The following GPR107 variants were observed in gnomAD, a reference collection of about 807,000 sequenced individuals.
The protein encoded by GPR107 is G protein-coupled receptor 107.
Under a neutral mutation model 75.5 loss-of-function variants are expected in GPR107, and 31 were observed. The observed-to-expected ratio is 0.41, with a 90% confidence interval of 0.31 to 0.55. The LOEUF is 0.55. Ranked by LOEUF, GPR107 falls within the 20% of genes least tolerant of loss-of-function variation. The pLI, the probability that GPR107 is intolerant of heterozygous loss-of-function variation, is 0.26. For synonymous variants in GPR107, 267 were observed against 251.3 expected, an observed-to-expected ratio of 1.06 and a Z score of -0.59; for missense variants, 572 against 665.7, an observed-to-expected ratio of 0.86 and a Z score of 1.55.
At position 130,113,547 on chromosome 9, in the gene GPR107, T is replaced by C. The variant is rs115179089; in HGVS notation, c.1306+6008T>C. 8.1e-3 allele frequency among the ~76,000 whole-genome samples: 1,237 copies of C among 152,318 alleles called. 26 individuals are homozygous for C. Among genetic ancestry groups the C allele is most frequent in the African/African-American group, 0.028 (1,182 of 41,558 alleles). On this transcript the variant is annotated intron_variant, in intron 14 of 17. Transcript: ENST00000347136. The stretch of plus-strand genomic sequence containing the variant: ...CACCCGGCCAGTTTCCCAGTTCTTA[T>C]AAGACTTATGATGTAAGCAGAGGTG...
In GPR107 at chr9:130,107,555, C is replaced by T; in HGVS notation, c.1306+16C>T. The T allele has an allele frequency of 6.4e-7, 1 of 1,553,900 alleles. No individual in the cohort carries two copies. The highest frequency in any genetic ancestry group is 8.9e-7 in the Non-Finnish European group (1 of 1,125,038). ...GATGGAAAAGGCAAGTTCTCTCGTGCTCATTTTGTGTTGCTCAGCTTGCTC... is the reference window on the plus strand; with the variant it reads ...GATGGAAAAGGCAAGTTCTCTCGTGTTCATTTTGTGTTGCTCAGCTTGCTC... On this transcript the variant is annotated intron_variant, in intron 14 of 17. Transcript: ENST00000347136.
At chr9:130,102,049 T>C (rs1396622279) in intron 12 of GPR107, among the ~76,000 whole-genome samples, 1 of 152,072 alleles carries the variant, frequency 6.6e-6, no homozygotes, top group Admixed American at 6.5e-5. Flanking sequence ...TGACATCAAA[T>C]GAATGGGACA....
rs532304367 is a variant in GPR107 at position 130,098,006 on chromosome 9, CA to C, written c.864-1449del. Among the ~76,000 whole-genome samples the C allele has an allele frequency of 2.6e-5, 4 of 152,288 alleles. No individual in the cohort carries two copies. The South Asian group carries it at 8.3e-4, about 32-fold the overall frequency. ...AAGTGATCCTCCCACATCAGCCTCCCAAGTAGCTGGGACTACAGGTGTGCAC... is the reference window on the plus strand; with the variant it reads ...AAGTGATCCTCCCACATCAGCCTCCCAGTAGCTGGGACTACAGGTGTGCAC... On this transcript the variant is annotated intron_variant, in intron 9 of 17. Coordinates refer to ENST00000347136, the MANE Select transcript of GPR107 (RefSeq NM_020960.5).
At chr9:130,108,992 CTTTTTTTTTT>C (rs11316244) in intron 14 of GPR107, among the ~76,000 whole-genome samples, 2 of 66,066 alleles carry the variant, frequency 3.0e-5, no homozygotes, top group Non-Finnish European at 5.3e-5. Flanking sequence ...TGGGGATATT[CTTTTTTTTTT>C]TTTTTTTTTT....
At chr9:130,066,803 A>G (rs1057286943) in intron 1 of GPR107, among the ~76,000 whole-genome samples, 8 of 152,046 alleles carry the variant, frequency 5.3e-5, no homozygotes, top group African/African-American at 1.9e-4. Flanking sequence ...GGCTAACACG[A>G]TGAAACCCCG....
intron 17 of GPR107, among the ~76,000 whole-genome samples, chr9:130,134,532 C>T (rs1831904147): frequency 6.6e-6 from 1 of 152,202 alleles, no homozygotes; most frequent in South Asian, 2.1e-4. Flanking sequence ...GCCAAAGAAT[C>T]TTTGATCCTG....
chr9:130,135,342 G>T lies in GPR107; in HGVS notation c.*221G>T. 4.5e-5 allele frequency: 18 copies of T among 400,862 alleles called. No homozygotes were observed. Among genetic ancestry groups the T allele is most frequent in the Non-Finnish European group, 6.3e-5 (14 of 223,798 alleles). The allele number at this position is 400,862 out of a possible 1,614,324, so 24.8% of individuals were successfully genotyped here. A position where few individuals can be genotyped will look rare whatever the true frequency, so the allele number is the denominator to read the frequency against. ...GGCAGCTGGATCCTCTTTCAGGCGG[G>T]AATGGGAGGGCGGGCACAGGGAGGA... On this transcript the variant is annotated 3_prime_UTR_variant, in exon 18 of 18. Coordinates refer to ENST00000347136, the MANE Select transcript of GPR107 (RefSeq NM_020960.5).
chr9:130,116,961 T>C (rs1247180110), intron 14 of GPR107, among the ~76,000 whole-genome samples: 1 of 152,088 alleles, frequency 6.6e-6, no homozygotes, highest in Non-Finnish European at 1.5e-5. Context: ...TTTTTTTTTT[T>C]TTGAGACAGA....
intron 1 of GPR107, among the ~76,000 whole-genome samples, chr9:130,072,025 T>C (rs1272169072): frequency 6.6e-6 from 1 of 151,562 alleles, no homozygotes; most frequent in Non-Finnish European, 1.5e-5. Flanking sequence ...CAGACTGGAG[T>C]GCAGTGGTAC....
chr9:130,131,826 G>T (rs2132659752), intron 17 of GPR107, among the ~76,000 whole-genome samples: 1 of 152,208 alleles, frequency 6.6e-6, no homozygotes, highest in Non-Finnish European at 1.5e-5. Flanking sequence ...TTGCTCTCGT[G>T]CCTGGGCTTT....
At chr9:130,127,632 T>C in intron 16 of GPR107, 66 bp downstream of exon 16, 1 of 831,308 alleles carries the variant, frequency 1.2e-6, no homozygotes. Flanking sequence ...GAAGTGTAAC[T>C]TAACAGTTGT....
chr9:130,096,634 A>T (rs1830879462), intron 9 of GPR107, among the ~76,000 whole-genome samples: 1 of 151,918 alleles, frequency 6.6e-6, no homozygotes, highest in South Asian at 2.1e-4. Context: ...TGCCCGGCTA[A>T]TTTTTGTATT....
At position 130,055,188 on chromosome 9, in the gene GPR107, C is replaced by T. The variant is rs533032247; in HGVS notation, c.141+1115C>T. ...GTCTTCTAAGAAGTGGAACTGTAGG[C>T]GGGGCGCGGTGGCTCACGCCTGTAA... is the stretch of plus-strand genomic sequence containing the variant. On this transcript the variant is annotated intron_variant, in intron 1 of 17. Coordinates refer to ENST00000347136, the MANE Select transcript of GPR107 (RefSeq NM_020960.5). Among the ~76,000 whole-genome samples the T allele has an allele frequency of 7.2e-5, 11 of 152,160 alleles. No homozygotes were observed. The East Asian group carries it at 1.9e-3, about 27-fold the overall frequency.
intron 1 of GPR107, among the ~76,000 whole-genome samples, chr9:130,068,523 CTCAGT>C (rs1222603965): frequency 1.4e-4 from 21 of 152,064 alleles, no homozygotes; most frequent in Admixed American, 1.4e-3. Flanking sequence ...GTGAAGCTAG[CTCAGT>C]TAAGTGTTAC....
chr9:130,098,034 G>A (rs1018869421), intron 9 of GPR107, among the ~76,000 whole-genome samples: 4 of 151,954 alleles, frequency 2.6e-5, no homozygotes, highest in South Asian at 2.1e-4. Context: ...GGTGTGCACC[G>A]CCACACCCAG....
At chr9:130,065,766 CAAAAAA>C (rs34927308) in intron 1 of GPR107, among the ~76,000 whole-genome samples, 1 of 61,040 alleles carries the variant, frequency 1.6e-5, no homozygotes. Flanking sequence ...GACCCTGTCT[CAAAAAA>C]AAAAAAAAAA....
rs1465134180 is a variant in GPR107, at chr9:130,112,107, A to G, written c.1306+4568A>G. On this transcript the variant is annotated intron_variant, in intron 14 of 17. Transcript: ENST00000347136. The surrounding 1 kb of genome is among the most constrained non-coding windows in gnomAD (Gnocchi z 4.0). Reference sequence around the variant, plus strand: ...CGAGATACACACCGTAAATTTAATTAACAGTCTCTGCTGCTCACCATCCTT... The same window carrying G: ...CGAGATACACACCGTAAATTTAATTGACAGTCTCTGCTGCTCACCATCCTT... Among the ~76,000 whole-genome samples, 2 of 152,218 alleles carry G rather than the reference A, an allele frequency of 1.3e-5. No homozygotes were observed. Among genetic ancestry groups the G allele is most frequent in the East Asian group, 3.8e-4 (2 of 5,200 alleles).
intron 14 of GPR107, among the ~76,000 whole-genome samples, chr9:130,111,871 C>A (rs1265664698): frequency 6.6e-6 from 1 of 152,134 alleles, no homozygotes; most frequent in Non-Finnish European, 1.5e-5. Context: ...TCTCCTGTCA[C>A]GCGCAGTGGC....
rs527395824 is a variant in GPR107 at position 130,087,306 on chromosome 9, G to A, written c.621+830G>A. 1.3e-3 allele frequency among the ~76,000 whole-genome samples: 204 copies of A among 152,134 alleles called. 1 individual carries two copies. The highest frequency in any genetic ancestry group is 4.6e-3 in the African/African-American group (189 of 41,526). On this transcript the variant is annotated intron_variant, in intron 7 of 17. Transcript: ENST00000347136. ...TCTTACCTGGGCCTCCCAAAGTGCC[G>A]AGATTACAGATGTGAGCCACCTTGC...
Sources: allele counts gnomAD v4.1 joint callset (sites outside exome capture counted in the v4.1 genomes callset), GRCh38; gene constraint gnomAD v4.1.1; non-coding constraint Gnocchi (gnomAD v3.1); transcripts MANE v1.5; gene names NCBI Gene and HGNC (gene_info 2026-07-23, HGNC 2026-07-21).